IMPDH1: variants seen among roughly 807,000 people sequenced by gnomAD.
IMPDH1 encodes the protein inosine-5'-monophosphate dehydrogenase 1.
A neutral mutation model predicts 73.5 loss-of-function variants in IMPDH1; 41 were observed. The observed-to-expected ratio is 0.56, with a 90% CI of 0.43 to 0.72. The LOEUF (loss-of-function observed/expected upper bound fraction) is 0.72, where lower values mean the gene tolerates loss of function less well. Among genes scored for constraint, IMPDH1 ranks in the 30% least tolerant of loss-of-function variants. The probability of loss-of-function intolerance (pLI) is 0.00; values close to 1 mark genes in which losing one functional copy is unlikely to be tolerated. For synonymous variants in IMPDH1, 318 were observed against 334.3 expected (o/e 0.95, Z 0.53); for missense variants, 645 against 824.8 (o/e 0.78, Z 2.67).
chr7:128,395,198 G>A lies in IMPDH1; in HGVS notation c.1338C>T (p.Ile446=), dbSNP rs199623010. ...AEYARRFGVP[I]IADGGIQTVG... is the part of the protein sequence containing the mutation. Reference sequence around the variant, plus strand: ...CGGTCTGGATGCCGCCATCGGCTATGATGGGCACACCAAAGCGCCGGGCAT... The same window carrying A: ...CGGTCTGGATGCCGCCATCGGCTATAATGGGCACACCAAAGCGCCGGGCAT... The change falls in exon 13 of 17, where the codon ATC becomes ATT. Residue 446 remains isoleucine (I), a synonymous_variant. Transcript: ENST00000338791. 1.3e-3 allele frequency: 2,047 copies of A among 1,614,020 alleles called. 28 individuals carry two copies. Among genetic ancestry groups the A allele is most frequent in the Non-Finnish European group, 2.4e-4 (287 of 1,180,050 alleles).
intron 5 of IMPDH1, 95 bp from the exon 6 acceptor site, chr7:128,401,211 G>A (rs1383065484): frequency 2.3e-6 from 2 of 870,924 alleles, no homozygotes; most frequent in Non-Finnish European, 1.9e-6. Flanking sequence ...GACAGGCCCT[G>A]GGGACATGGC....
rs1009247062 is a variant in IMPDH1, at chr7:128,409,140, C to T, written c.254+149G>A. On this transcript the variant is annotated intron_variant, in intron 3 of 16. Coordinates refer to ENST00000338791, the MANE Select transcript of IMPDH1 (RefSeq NM_000883.4). ...CTTTTCAGCCAGTCCCCCTGGGGCC[C>T]AGCTCACTACCCTACTCTTCCTCCA... The T allele has an allele frequency of 6.7e-6, 5 of 747,086 alleles. No homozygotes were observed. The African/African-American group carries it at 8.7e-5, about 13-fold the overall frequency. 46.3% of individuals were successfully genotyped at this position (747,086 alleles called of 1,614,324 possible). A position where few individuals can be genotyped will look rare whatever the true frequency, so the allele number is the denominator to read the frequency against.
intron 4 of IMPDH1, 122 bp from the exon 5 acceptor site, chr7:128,403,876 CCCCCATCCCTACTG>C: frequency 1.2e-6 from 1 of 838,590 alleles, no homozygotes; most frequent in Non-Finnish European, 2.0e-6. Context: ...AGGCTACAGC[CCCCCATCCCTACTG>C]CCCCATCAGG....
At position 128,397,000 on chromosome 7, in the gene IMPDH1, A is replaced by G. The variant is rs756472381; in HGVS notation, c.1097T>C (p.Val366Ala). ...IVLDSSQGNS[V>A]YQIAMVHYIK... ...GTAATGCACCATGGCGATCTGATAC[A>G]CCGAATTCCCTTGGGACGAGTCCTG... Residue 366 changes from valine to alanine, a missense_variant, in exon 11 of 17, where the codon GTG (valine) becomes GCG (alanine). By Grantham distance (64) the Val-to-Ala change is moderately conservative. Transcript: ENST00000338791. The surrounding 1 kb of genome is among the most constrained non-coding windows in gnomAD (Gnocchi z 4.0). 1 of 1,613,962 alleles carries G rather than the reference A, an allele frequency of 6.2e-7. No individual in the cohort carries two copies. The highest frequency in any genetic ancestry group is 8.5e-7 in the Non-Finnish European group (1 of 1,179,842).
chr7:128,400,231 G>A lies in IMPDH1; in HGVS notation c.787-49C>T, dbSNP rs201184147. On this transcript the variant is annotated intron_variant, in intron 8 of 16. Coordinates refer to ENST00000338791, the MANE Select transcript of IMPDH1 (RefSeq NM_000883.4). ...TGCAGGTTGGCAGGTGAGAGAGAAG[G>A]AGCCAGGCCTCCCTCTGGTCCCTGG... The A allele has an allele frequency of 9.3e-6, 15 of 1,609,724 alleles. No individual in the cohort carries two copies. The Admixed American group carries it at 1.7e-4, about 18-fold the overall frequency.
In IMPDH1 at chr7:128,409,495, A is replaced by T. The variant is rs375038235; in HGVS notation, c.147-11T>A. ...AGGTCCAATCTAGGGCTAAGATTTT[A>T]GGGAAGGTTTTTACGACCTGTTCCC... On this transcript the variant is annotated splice_polypyrimidine_tract_variant and intron_variant, in intron 1 of 16. Transcript: ENST00000338791. The T allele has an allele frequency of 2.7e-5, 43 of 1,614,062 alleles. No homozygotes were observed. The highest frequency in any genetic ancestry group is 3.6e-5 in the Non-Finnish European group (42 of 1,180,000).
At chr7:128,397,153 T>G (rs1797980148) in intron 10 of IMPDH1, 131 bp from the exon 11 acceptor site, 3 of 234,500 alleles carry the variant, frequency 1.3e-5, no homozygotes, top group Non-Finnish European at 7.5e-6. Context: ...TTCTGGTTGT[T>G]TTTTTTTTTT....
chr7:128,402,783 T>C (rs1161120908), intron 5 of IMPDH1, among the ~76,000 whole-genome samples: 1 of 152,198 alleles, frequency 6.6e-6, no homozygotes. Flanking sequence ...TACACCATCA[T>C]CACTACCCAT....
Position 128,396,660 on chromosome 7 carries a change from CATCA to C in IMPDH1, c.1197_1200del (p.Ile399MetfsTer22). On this transcript the variant is annotated frameshift_variant, in exon 12 of 17. Coordinates refer to ENST00000338791, the MANE Select transcript of IMPDH1 (RefSeq NM_000883.4). LOFTEE classifies it high-confidence loss of function. This position sits in a 1 kb window ranked among gnomAD's most constrained non-coding sequence, Gnocchi z 4.0. ...CCCACGCGCAGCCCGTCCACACCAG[CATCA>C]ATCAGGTTCTTGGCCTGGGCTGCTG... 1 of 1,555,682 alleles carries C rather than the reference CATCA, an allele frequency of 6.4e-7. No homozygotes were observed. The highest frequency in any genetic ancestry group is 8.7e-7 in the Non-Finnish European group (1 of 1,148,894).
chr7:128,405,751 G>C lies in IMPDH1; in HGVS notation c.353+16C>G. The C allele has an allele frequency of 6.5e-7, 1 of 1,533,082 alleles. No individual in the cohort carries two copies. The allele number at this position is 1,533,082 out of a possible 1,614,324, so 95.0% of individuals were successfully genotyped here. On this transcript the variant is annotated intron_variant, in intron 4 of 16. Coordinates refer to ENST00000338791, the MANE Select transcript of IMPDH1 (RefSeq NM_000883.4). ...CGTGGATGCGCGCACCTAGGGGTACGAGACCCGGCGCTTACTTGTAGGTGA... is the reference window on the plus strand; with the variant it reads ...CGTGGATGCGCGCACCTAGGGGTACCAGACCCGGCGCTTACTTGTAGGTGA...
In IMPDH1 at chr7:128,392,295, C is replaced by T. The variant is rs575681166; in HGVS notation, c.*712G>A. On this transcript the variant is annotated 3_prime_UTR_variant, in exon 17 of 17. Coordinates refer to ENST00000338791, the MANE Select transcript of IMPDH1 (RefSeq NM_000883.4). ...GACAGGATAGTGGAGGCGTTGAGACCTGCTTGATTTATTCCAAGTATTTAA... is the reference window on the plus strand; with the variant it reads ...GACAGGATAGTGGAGGCGTTGAGACTTGCTTGATTTATTCCAAGTATTTAA... 1.3e-5 allele frequency: 2 copies of T among 152,964 alleles called. No homozygotes were observed. The highest frequency in any genetic ancestry group is 1.9e-4 in the East Asian group (1 of 5,180). The allele number at this position is 152,964 out of a possible 1,614,324, so 9.5% of individuals were successfully genotyped here. A position where few individuals can be genotyped will look rare whatever the true frequency, so the allele number is the denominator to read the frequency against.
chr7:128,403,721 G>A lies in IMPDH1; in HGVS notation c.387C>T (p.Phe129=), dbSNP rs1260000313. Residue 129 remains phenylalanine (F), a synonymous_variant, in exon 5 of 17, where the codon TTC becomes TTT. Transcript: ENST00000338791. ...AGGTACTCACCACCTCATCAGCTAT[G>A]AAGTCTATGAATCCTGGGAGAATCA... The part of the protein sequence containing the change: ...DFLILPGFID[F]IADEVDLTSA... The A allele has an allele frequency of 6.2e-7, 1 of 1,613,914 alleles. No homozygotes were observed. The highest frequency in any genetic ancestry group is 1.3e-5 in the African/African-American group (1 of 74,928).
rs768397128 is a variant in IMPDH1 at position 128,403,767 on chromosome 7, A to G, written c.354-13T>C. 2.5e-6 allele frequency: 4 copies of G among 1,613,418 alleles called. No individual in the cohort carries two copies. The stretch of plus-strand genomic sequence containing the variant: ...AATCAGGAAGTCGCTGTGAAGACAG[A>G]GAAGTGAGTGTTATTAGTGGGGAGG... On this transcript the variant is annotated splice_polypyrimidine_tract_variant and intron_variant, in intron 4 of 16. Transcript: ENST00000338791.
At chr7:128,407,399 G>T (rs1387048374) in intron 3 of IMPDH1, among the ~76,000 whole-genome samples, 1 of 152,206 alleles carries the variant, frequency 6.6e-6, no homozygotes. Context: ...GATTGCCAGC[G>T]ATGTGTGGGA....
chr7:128,403,737 G>A lies in IMPDH1; in HGVS notation c.371C>T (p.Pro124Leu), dbSNP rs1798503536. The A allele has an allele frequency of 6.2e-7, 1 of 1,613,948 alleles. No homozygotes were observed. Among genetic ancestry groups the A allele is most frequent in the African/African-American group, 1.3e-5 (1 of 74,918 alleles). ...ATCAGCTATGAAGTCTATGAATCCT[G>A]GGAGAATCAGGAAGTCGCTGTGAAG... ...GLTYNDFLIL[P>L]GFIDFIADEV... The change falls in exon 5 of 17, where the codon CCA becomes CTA. Residue 124 changes from proline to leucine, a missense_variant. By Grantham distance (98) the Pro-to-Leu change is moderately conservative (BLOSUM62 -3). This residue lies in a region of IMPDH1 where 186 missense variants were observed against 186.6 expected (regional missense o/e 1.00). Transcript: ENST00000338791.
At position 128,394,475 on chromosome 7, in the gene IMPDH1, G is replaced by C. The variant is rs777346676; in HGVS notation, c.1675C>G (p.Arg559Gly). Residue 559 changes from arginine (R) to glycine (G), a missense_variant, in exon 15 of 17, where the codon CGC becomes GGC. Coordinates refer to ENST00000338791, the MANE Select transcript of IMPDH1 (RefSeq NM_000883.4). The surrounding 1 kb of genome is among the most constrained non-coding windows in gnomAD (Gnocchi z 5.5). ...IQHGCQDIGA[R>G]SLSVLRSMMY... ...ACTCACCGAAGGACAGACAGGCTGC[G>C]GGCCCCGATATCCTGGCAGCCGTGT... 3 of 1,614,056 alleles carry C rather than the reference G, an allele frequency of 1.9e-6. No individual in the cohort carries two copies. Among genetic ancestry groups the C allele is most frequent in the Admixed American group, 3.3e-5 (2 of 60,014 alleles).
Position 128,409,873 on chromosome 7 carries a change from A to G in IMPDH1, c.29T>C (p.Leu10Pro). The G allele has an allele frequency of 6.7e-7, 1 of 1,485,714 alleles. No individual in the cohort carries two copies. Among genetic ancestry groups the G allele is most frequent in the East Asian group, 2.8e-5 (1 of 35,546 alleles). 92.0% of individuals were successfully genotyped at this position (1,485,714 alleles called of 1,614,324 possible). The stretch of plus-strand genomic sequence containing the variant: ...AACAGCGGCGGCTCCGCCTCCCTGC[A>G]GCGGTGGTGGAGTGAGTGGCCCCTC... The part of the protein sequence containing the change: MEGPLTPPP[L>P]QGGGAAAVPE... Residue 10 changes from leucine (L) to proline (P), a missense_variant, in exon 1 of 17, where the codon CTG (leucine) becomes CCG (proline). Physicochemically the swap from Leu to Pro is moderately conservative, Grantham distance 98. Coordinates refer to ENST00000338791, the MANE Select transcript of IMPDH1 (RefSeq NM_000883.4).
At chr7:128,395,928 G>A (rs1422413087) in intron 12 of IMPDH1, among the ~76,000 whole-genome samples, 1 of 152,250 alleles carries the variant, frequency 6.6e-6, no homozygotes, top group Non-Finnish European at 1.5e-5. Context: ...AATAGCAGAG[G>A]CTCTGAGGAC....
intron 12 of IMPDH1, among the ~76,000 whole-genome samples, chr7:128,395,542 C>G (rs1019458538): frequency 4.6e-5 from 7 of 152,252 alleles, no homozygotes; most frequent in African/African-American, 1.2e-4. Context: ...CCAATGCCCC[C>G]AGACAGGTGG....
Sources: gnomAD v4.1 joint callset for allele counts (sites outside exome capture counted in the v4.1 genomes callset) on GRCh38, gnomAD v4.1.1 for gene constraint, gnomAD v4.1.1 regional missense constraint, Gnocchi (gnomAD v3.1) non-coding constraint, MANE v1.5 for transcripts, NCBI Gene and HGNC (gene_info 2026-07-23, HGNC 2026-07-21) for gene names.